FRY: variants seen among roughly 807,000 people sequenced by gnomAD.
The protein encoded by FRY is protein furry homolog.
Under a neutral mutation model 348.4 loss-of-function variants are expected in FRY, and 128 were observed. The observed-to-expected ratio is 0.37, with a 90% CI of 0.32 to 0.43. The LOEUF (loss-of-function observed/expected upper bound fraction) is 0.43, where lower values mean the gene tolerates loss of function less well. FRY is among the 20% of genes least tolerant of loss of function. The probability of loss-of-function intolerance (pLI) is 1.00; values close to 1 mark genes in which losing one functional copy is unlikely to be tolerated. For synonymous variants in FRY, 1,370 were observed against 1,374.7 expected (o/e 1.00, Z 0.08); for missense variants, 2,736 against 3,695.2 (o/e 0.74, Z 6.73).
chr13:32,099,601 C>T (rs1441558964), intron 2 of FRY, among the ~76,000 whole-genome samples: 3 of 151,984 alleles, frequency 2.0e-5, no homozygotes, highest in Admixed American at 6.6e-5. Flanking sequence ...TGTGAATGAA[C>T]ATTTCCCATG....
intron 7 of FRY, among the ~76,000 whole-genome samples, chr13:32,130,298 C>T (rs950878857): frequency 1.3e-5 from 2 of 152,052 alleles, no homozygotes; most frequent in East Asian, 3.9e-4. Flanking sequence ...ACTTCGGCCT[C>T]CCAAAGTGCT....
At chr13:32,198,733 A>G (rs971793661) in intron 29 of FRY, among the ~76,000 whole-genome samples, 9 of 152,232 alleles carry the variant, frequency 5.9e-5, no homozygotes, top group African/African-American at 2.2e-4. Flanking sequence ...ACTCATCATC[A>G]TCACCACCAT....
At chr13:32,135,384 C>T (rs1232814133) in intron 10 of FRY, among the ~76,000 whole-genome samples, 1 of 152,192 alleles carries the variant, frequency 6.6e-6, no homozygotes, top group African/African-American at 2.4e-5. Context: ...GGGGATTAGA[C>T]CGCATCACCT....
intron 58 of FRY, among the ~76,000 whole-genome samples, chr13:32,280,382 T>C (rs966775155): frequency 4.6e-5 from 7 of 152,218 alleles, no homozygotes; most frequent in Non-Finnish European, 1.0e-4. Flanking sequence ...TCTCAGATGA[T>C]TTGTGACTTA....
At position 32,171,281 on chromosome 13, in the gene FRY, C is replaced by T; in HGVS notation, c.2151+11C>T. Reference sequence around the variant, plus strand: ...ATCAGAAATTCAGAGGTGATTTTCACACCTTACCCATGAATTTATATTCTT... The same window carrying T: ...ATCAGAAATTCAGAGGTGATTTTCATACCTTACCCATGAATTTATATTCTT... On this transcript the variant is annotated intron_variant, in intron 18 of 60. Transcript: ENST00000542859. 8.5e-7 allele frequency: 1 copy of T among 1,177,972 alleles called. No homozygotes were observed. Among genetic ancestry groups the T allele is most frequent in the Non-Finnish European group, 1.3e-6 (1 of 797,458 alleles). The allele number at this position is 1,177,972 out of a possible 1,614,324, so 73.0% of individuals were successfully genotyped here. A position where few individuals can be genotyped will look rare whatever the true frequency, so the allele number is the denominator to read the frequency against.
chr13:32,037,072 G>A (rs572891965), intron 1 of FRY, among the ~76,000 whole-genome samples: 137 of 149,228 alleles, frequency 9.2e-4, no homozygotes, highest in Middle Eastern at 3.5e-3. Flanking sequence ...ACACACACAC[G>A]TGCTGGAGAG....
intron 29 of FRY, 126 bp from the exon 30 acceptor site, chr13:32,201,815 C>T (rs576296983): frequency 2.3e-5 from 16 of 692,026 alleles, no homozygotes; most frequent in South Asian, 4.7e-5. Flanking sequence ...AATGGCCAGA[C>T]GGGGGTAAGA....
intron 31 of FRY, among the ~76,000 whole-genome samples, chr13:32,208,119 G>A (rs906338298): frequency 6.6e-6 from 1 of 152,208 alleles, no homozygotes; most frequent in African/African-American, 2.4e-5. Context: ...TCACTGTTTG[G>A]ACTCACGTGT....
chr13:32,235,244 A>T (rs1022263038), intron 42 of FRY, among the ~76,000 whole-genome samples: 3 of 152,228 alleles, frequency 2.0e-5, no homozygotes, highest in Admixed American at 6.5e-5. Context: ...GGCCCTCAAG[A>T]TAGAGCCCAG....
Position 32,218,850 on chromosome 13 carries a change from TG to T in FRY, c.4765+22del, listed in dbSNP as rs762913781. ...GATAAAAGTAAGTACCAACAGGCTG[TG>T]GGCTTTCAGACGGAACGCAAGTGGT... is the stretch of plus-strand genomic sequence containing the variant. On this transcript the variant is annotated intron_variant, in intron 36 of 60. Coordinates refer to ENST00000542859, the MANE Select transcript of FRY (RefSeq NM_023037.3). The T allele has an allele frequency of 1.4e-6, 2 of 1,433,084 alleles. No individual in the cohort carries two copies. Among genetic ancestry groups the T allele is most frequent in the Admixed American group, 3.3e-5 (2 of 59,772 alleles). 88.8% of individuals were successfully genotyped at this position (1,433,084 alleles called of 1,614,324 possible). A position where few individuals can be genotyped will look rare whatever the true frequency, so the allele number is the denominator to read the frequency against.
chr13:32,175,712 A>AC, intron 20 of FRY, 80 bp downstream of exon 20: 1 of 850,792 alleles, frequency 1.2e-6, no homozygotes, highest in Non-Finnish European at 2.0e-6. Context: ...AATTATGTGG[A>AC]ATAATTTGGG....
intron 39 of FRY, 28 bp from the exon 40 acceptor site, chr13:32,228,428 T>TC: frequency 6.4e-7 from 1 of 1,555,862 alleles, no homozygotes; most frequent in Non-Finnish European, 8.9e-7. Flanking sequence ...GCCTAGTACA[T>TC]CCCTCCTTGA....
chr13:32,096,713 G>T (rs1876747206), intron 2 of FRY, among the ~76,000 whole-genome samples: 1 of 138,694 alleles, frequency 7.2e-6, no homozygotes, highest in African/African-American at 2.7e-5. Flanking sequence ...TGAGGCAGGA[G>T]AATCTCTTGA....
At position 32,201,978 on chromosome 13, in the gene FRY, G is replaced by A; in HGVS notation, c.3784G>A (p.Val1262Ile). 2 of 1,606,324 alleles carry A rather than the reference G, an allele frequency of 1.2e-6. No homozygotes were observed. The highest frequency in any genetic ancestry group is 1.7e-6 in the Non-Finnish European group (2 of 1,173,082). The change falls in exon 30 of 61, where the codon GTT (valine) becomes ATT (isoleucine). Residue 1262 changes from valine (V) to isoleucine (I), a missense_variant. Physicochemically the swap from Val to Ile is conservative, Grantham distance 29. This residue lies in a region of FRY where 794 missense variants were observed against 977.0 expected (regional missense o/e 0.81). Transcript: ENST00000542859. ...CGACATAGTGACATTGTTAAACCTTGTTCTATTCAAGGCCTCTGACACCAA... is the reference window on the plus strand; with the variant it reads ...CGACATAGTGACATTGTTAAACCTTATTCTATTCAAGGCCTCTGACACCAA... ...PFDIVTLLNL[V>I]LFKASDTNRE...
At position 32,218,769 on chromosome 13, in the gene FRY, C is replaced by A; in HGVS notation, c.4703C>A (p.Ala1568Asp). Residue 1568 changes from alanine (A) to aspartate (D), a missense_variant, in exon 36 of 61, where the codon GCC becomes GAC. Ala to Asp is a moderately radical substitution (Grantham distance 126). Around this residue, in one of 9 missense-constraint regions of FRY, gnomAD observed 794 missense variants for 977.0 expected, o/e 0.81. Transcript: ENST00000542859. ...SDERFSNVIRAHTRLESRYSN... is the reference protein window; with the variant it reads ...SDERFSNVIRDHTRLESRYSN... ...TGAAGGTTTAGTAATGTCATCAGAG[C>A]CCACACTCGCCTCGAGTCAAGATAC... 2 of 1,601,668 alleles carry A rather than the reference C, an allele frequency of 1.2e-6. No homozygotes were observed. Among genetic ancestry groups the A allele is most frequent in the Non-Finnish European group, 1.7e-6 (2 of 1,169,540 alleles).
intron 20 of FRY, among the ~76,000 whole-genome samples, chr13:32,177,594 G>GATAAATAAATAA (rs71194512): frequency 0.034 from 5,083 of 147,876 alleles, 120 homozygotes; most frequent in African/African-American, 0.055. Flanking sequence ...ACTCTGTCTC[G>GATAAATAAATAA]ATAAATAAAT....
chr13:32,133,526 A>G (rs9594995), intron 8 of FRY, among the ~76,000 whole-genome samples: 32,673 of 152,108 alleles, frequency 0.21, 3,715 homozygotes, highest in Middle Eastern at 0.28. Context: ...GTAGCAAAAG[A>G]ATGACTATTC....
intron 38 of FRY, among the ~76,000 whole-genome samples, chr13:32,225,267 C>A (rs1054752743): frequency 5.3e-5 from 8 of 152,162 alleles, no homozygotes; most frequent in African/African-American, 1.7e-4. Context: ...CTCACTAGTG[C>A]CACATCTACA....
intron 3 of FRY, 116 bp downstream of exon 3, chr13:32,102,132 T>C: frequency 1.4e-6 from 1 of 733,962 alleles, no homozygotes; most frequent in South Asian, 1.4e-5. Flanking sequence ...TATATGGGTA[T>C]GTGGTCTTAA....
Sources: gnomAD v4.1 joint callset for allele counts (sites outside exome capture counted in the v4.1 genomes callset) on GRCh38, gnomAD v4.1.1 for gene constraint, gnomAD v4.1.1 regional missense constraint, MANE v1.5 for transcripts, NCBI Gene and HGNC (gene_info 2026-07-23, HGNC 2026-07-21) for gene names.